MS4A4A: variants seen among roughly 807,000 people sequenced by gnomAD.
MS4A4A encodes the protein membrane spanning 4-domains A4A.
A neutral mutation model predicts 28.0 loss-of-function variants in MS4A4A; 26 were observed. The observed-to-expected ratio is 0.93, with a 90% CI of 0.68 to 1.29. The LOEUF (loss-of-function observed/expected upper bound fraction) is 1.29. Among genes scored for constraint, MS4A4A ranks in the 50% most tolerant of loss-of-function variants. The pLI is 0.00. For missense variants in MS4A4A, 290 were observed against 293.1 expected (o/e 0.99, Z 0.08); for synonymous variants, 86 against 100.8 (o/e 0.85, Z 0.88).
intron 4 of MS4A4A, 66 bp downstream of exon 4, chr11:60,301,123 G>T: frequency 7.8e-7 from 1 of 1,280,180 alleles, no homozygotes. Context: ...TATTCTGCCA[G>T]GGTGTAAAAC....
chr11:60,282,712 T>C, intron 1 of MS4A4A: 1 of 1,277,334 alleles, frequency 7.8e-7, no homozygotes, highest in Admixed American at 2.6e-5. Context: ...ACTTGGAGCT[T>C]TAAAAATTAA....
intron 1 of MS4A4A, among the ~76,000 whole-genome samples, chr11:60,290,956 C>A (rs543955866): frequency 6.6e-6 from 1 of 151,774 alleles, no homozygotes; most frequent in African/African-American, 2.4e-5. Flanking sequence ...CATCTCAAAA[C>A]GAGACTTTTA....
intron 1 of MS4A4A, among the ~76,000 whole-genome samples, chr11:60,289,497 C>T (rs1302233594): frequency 6.6e-6 from 1 of 151,962 alleles, no homozygotes; most frequent in African/African-American, 2.4e-5. Flanking sequence ...AAGATTTCTG[C>T]TACTCCTTTG....
intron 1 of MS4A4A, chr11:60,289,958 T>C: frequency 4.7e-6 from 1 of 210,656 alleles, no homozygotes; most frequent in Non-Finnish European, 1.0e-5. Context: ...GTTTGTGATT[T>C]AATTTTCATT....
chr11:60,303,105 T>C (rs2084967742), intron 5 of MS4A4A, among the ~76,000 whole-genome samples: 1 of 152,204 alleles, frequency 6.6e-6, no homozygotes, highest in Non-Finnish European at 1.5e-5. Context: ...TCTTGAACAG[T>C]ATTTTACAAG....
intron 2 of MS4A4A, among the ~76,000 whole-genome samples, chr11:60,295,223 C>A (rs2084895452): frequency 6.6e-6 from 1 of 151,700 alleles, no homozygotes; most frequent in African/African-American, 2.4e-5. Context: ...AATACCAATA[C>A]CTAAATATTT....
At chr11:60,300,173 A>T (rs573839241) in intron 3 of MS4A4A, among the ~76,000 whole-genome samples, 2 of 152,236 alleles carry the variant, frequency 1.3e-5, no homozygotes, top group Non-Finnish European at 2.9e-5. Flanking sequence ...CAACAATTGA[A>T]TATTAAAAGA....
At chr11:60,294,892 A>ACTACTACTACTTCTTCTTCTTCTTCTT (rs60374079) in intron 2 of MS4A4A, among the ~76,000 whole-genome samples, 28 of 130,940 alleles carry the variant, frequency 2.1e-4, no homozygotes, top group South Asian at 1.8e-3. Flanking sequence ...TACAACTACT[A>ACTACTACTACTTCTTCTTCTTCTTCTT]CTTCTTCTTC....
chr11:60,306,349 C>A, intron 6 of MS4A4A, 148 bp downstream of exon 6: 1 of 692,638 alleles, frequency 1.4e-6, no homozygotes, highest in South Asian at 2.0e-5. Context: ...GAAGTATGTC[C>A]TTGACTCAGG....
intron 5 of MS4A4A, among the ~76,000 whole-genome samples, chr11:60,303,696 A>C (rs888922875): frequency 1.3e-5 from 2 of 152,176 alleles, no homozygotes; most frequent in African/African-American, 2.4e-5. Flanking sequence ...CAACAGAGCG[A>C]GACTGCATCT....
Position 60,308,368 on chromosome 11 carries a change from T to A in MS4A4A, c.*190T>A. Reference sequence around the variant, plus strand: ...TAAATTCAAAATTATGTTCTCATTTTTTTCCCTGGAACTCAATAACTCATT... The same window carrying A: ...TAAATTCAAAATTATGTTCTCATTTATTTCCCTGGAACTCAATAACTCATT... On this transcript the variant is annotated 3_prime_UTR_variant, in exon 7 of 7. Transcript: ENST00000337908. 1 of 520,508 alleles carries A rather than the reference T, an allele frequency of 1.9e-6. No individual in the cohort carries two copies. Among genetic ancestry groups the A allele is most frequent in the Non-Finnish European group, 3.3e-6 (1 of 301,880 alleles). The allele number at this position is 520,508 out of a possible 1,614,324, so 32.2% of individuals were successfully genotyped here. A position where few individuals can be genotyped will look rare whatever the true frequency, so the allele number is the denominator to read the frequency against.
chr11:60,297,384 G>A, intron 3 of MS4A4A, 59 bp downstream of exon 3: 1 of 1,574,812 alleles, frequency 6.3e-7, no homozygotes, highest in South Asian at 1.1e-5. Flanking sequence ...TCAATACCCT[G>A]ATCTTTGGAA....
rs1453819368 is a variant in MS4A4A at position 60,302,702 on chromosome 11, T to C, written c.531T>C (p.Thr177=). The C allele has an allele frequency of 6.2e-7, 1 of 1,613,890 alleles. No homozygotes were observed. The highest frequency in any genetic ancestry group is 2.2e-5 in the East Asian group (1 of 44,878). ...YYGNSNNCHG[T]MSILMGLDGM... is the part of the protein sequence containing the mutation. ...GCAACTCAAATAATTGTCATGGGAC[T>C]ATGTCCATCTTAATGGTTGGTACTG... The change falls in exon 5 of 7, where the codon ACT becomes ACC. Residue 177 remains threonine, a synonymous_variant. Transcript: ENST00000337908.
chr11:60,292,906 C>T (rs2084870351), intron 2 of MS4A4A, among the ~76,000 whole-genome samples: 2 of 152,182 alleles, frequency 1.3e-5, no homozygotes, highest in Non-Finnish European at 2.9e-5. Context: ...AGGTTTATCA[C>T]TAGCCCAAGC....
chr11:60,295,427 C>A (rs1472191565), intron 2 of MS4A4A, among the ~76,000 whole-genome samples: 1 of 151,998 alleles, frequency 6.6e-6, no homozygotes, highest in Non-Finnish European at 1.5e-5. Flanking sequence ...GACATCATGT[C>A]GTCTGGGAAC....
At chr11:60,288,113 CTG>C (rs1280962698) in intron 1 of MS4A4A, among the ~76,000 whole-genome samples, 1 of 152,206 alleles carries the variant, frequency 6.6e-6, no homozygotes, top group Non-Finnish European at 1.5e-5. Context: ...AACTGGGACT[CTG>C]TGTTGGCTCT....
Position 60,297,256 on chromosome 11 carries a change from G to A in MS4A4A, c.261G>A (p.Met87Ile), listed in dbSNP as rs780863424. Residue 87 changes from methionine to isoleucine, a missense_variant, in exon 3 of 7, where the codon ATG becomes ATA. By Grantham distance (10) the Met-to-Ile change is conservative. Transcript: ENST00000337908. Reference sequence around the variant, plus strand: ...GCATGGGAATAACAATGATGTGTATGGCATCTAATACTTATGGAAGTAACC... The same window carrying A: ...GCATGGGAATAACAATGATGTGTATAGCATCTAATACTTATGGAAGTAACC... Reference protein sequence around the residue: ...SLSMGITMMCMASNTYGSNPI... With the variant: ...SLSMGITMMCIASNTYGSNPI... 8.7e-6 allele frequency: 14 copies of A among 1,613,422 alleles called. No homozygotes were observed. Among genetic ancestry groups the A allele is most frequent in the Non-Finnish European group, 1.1e-5 (13 of 1,179,612 alleles).
chr11:60,280,822 C>A, intron 1 of MS4A4A, 106 bp downstream of exon 1: 2 of 1,315,986 alleles, frequency 1.5e-6, no homozygotes, highest in Non-Finnish European at 2.1e-6. Flanking sequence ...GAGGCCACTT[C>A]CCATGACCCA....
intron 1 of MS4A4A, among the ~76,000 whole-genome samples, chr11:60,286,051 T>A (rs2084800934): frequency 6.6e-6 from 1 of 152,136 alleles, no homozygotes; most frequent in African/African-American, 2.4e-5. Flanking sequence ...GGGAATGCAT[T>A]CTCTTCCCAG....
Sources: gnomAD v4.1 joint callset for allele counts (sites outside exome capture counted in the v4.1 genomes callset) on GRCh38, gnomAD v4.1.1 for gene constraint, MANE v1.5 for transcripts, NCBI Gene and HGNC (gene_info 2026-07-23, HGNC 2026-07-21) for gene names.